The following RTN1 variants were observed in gnomAD, a reference collection of about 807,000 sequenced individuals.
RTN1 encodes reticulon-1.
RTN1 carries 25 observed loss-of-function variants against 65.5 expected under a neutral mutation model. The ratio of observed to expected loss-of-function variants is 0.38; its 90% CI spans 0.28 to 0.53. The LOEUF (loss-of-function observed/expected upper bound fraction) is 0.53. Among genes scored for constraint, RTN1 ranks in the 20% least tolerant of loss-of-function variants. The pLI is 0.79. For synonymous variants in RTN1, 471 were observed against 447.6 expected, an observed-to-expected ratio of 1.05 and a Z score of -0.66; for missense variants, 983 against 1,025.4, an observed-to-expected ratio of 0.96 and a Z score of 0.57.
rs11848764 is a variant in RTN1, at chr14:59,758,084, T to A, written c.242-11603A>T. On this transcript the variant is annotated intron_variant, in intron 1 of 8. Transcript: ENST00000267484. The stretch of plus-strand genomic sequence containing the variant: ...CCCCAGTAACCACCGATCCTTTTAC[T>A]GTCTACACAGTTTTGCCTAGTTCAA... Among the ~76,000 whole-genome samples the A allele has an allele frequency of 2.5e-3, 374 of 152,058 alleles. 2 individuals are homozygous for A. Among genetic ancestry groups the A allele is most frequent in the African/African-American group, 8.3e-3 (344 of 41,438 alleles).
intron 1 of RTN1, among the ~76,000 whole-genome samples, chr14:59,760,843 T>C (rs1267598383): frequency 1.3e-5 from 2 of 152,186 alleles, no homozygotes; most frequent in Non-Finnish European, 2.9e-5. Flanking sequence ...TCCAGACTCA[T>C]CGTGCTAGTT....
chr14:59,744,681 AG>A (rs1428269767), intron 2 of RTN1, among the ~76,000 whole-genome samples: 2 of 152,126 alleles, frequency 1.3e-5, no homozygotes, highest in African/African-American at 4.8e-5. Context: ...AGGGGAAGGG[AG>A]GAGTTTGCTT....
At chr14:59,807,389 A>G (rs980040572) in intron 1 of RTN1, among the ~76,000 whole-genome samples, 1 of 152,214 alleles carries the variant, frequency 6.6e-6, no homozygotes, top group African/African-American at 2.4e-5. Flanking sequence ...ACTGCAGAGG[A>G]AAGCTCTTTA....
At chr14:59,610,069 AG>A in intron 3 of RTN1, 1 of 766,320 alleles carries the variant, frequency 1.3e-6, no homozygotes, top group Non-Finnish European at 2.4e-6. Flanking sequence ...GACAAAGAGA[AG>A]ATAGAATTTG....
intron 3 of RTN1, among the ~76,000 whole-genome samples, chr14:59,649,240 C>T (rs1312509355): frequency 6.6e-6 from 1 of 152,120 alleles, no homozygotes; most frequent in African/African-American, 2.4e-5. Flanking sequence ...TTCCTTACAC[C>T]TTATACAAAA....
intron 3 of RTN1, among the ~76,000 whole-genome samples, chr14:59,688,683 C>T (rs1883897540): frequency 6.6e-6 from 1 of 152,146 alleles, no homozygotes; most frequent in East Asian, 1.9e-4. Flanking sequence ...AGCAGAAGTG[C>T]ATAGGGCTAT....
At chr14:59,606,735 T>G (rs1881767291) in intron 4 of RTN1, among the ~76,000 whole-genome samples, 1 of 152,204 alleles carries the variant, frequency 6.6e-6, no homozygotes, top group Non-Finnish European at 1.5e-5. Flanking sequence ...TTCCTCCTCT[T>G]CAATGTGCAT....
At chr14:59,726,671 C>G (rs1279125526) in intron 3 of RTN1, among the ~76,000 whole-genome samples, 2 of 152,206 alleles carry the variant, frequency 1.3e-5, no homozygotes, top group African/African-American at 4.8e-5. Flanking sequence ...CAAAACCGCT[C>G]ATTATTAGGG....
At position 59,868,388 on chromosome 14, in the gene RTN1, A is replaced by G. The variant is rs1186458558; in HGVS notation, c.241+2002T>C. Among the ~76,000 whole-genome samples the G allele has an allele frequency of 6.6e-6, 1 of 152,154 alleles. No homozygotes were observed. The highest frequency in any genetic ancestry group is 1.9e-4 in the East Asian group (1 of 5,198). ...TAGTATCATGTTTGATTTTATTACT[A>G]TATTTGTTGCCTAGGATAGAAAACC... On this transcript the variant is annotated intron_variant, in intron 1 of 8. Transcript: ENST00000267484. This position sits in a 1 kb window ranked among gnomAD's most constrained non-coding sequence, Gnocchi z 4.0.
intron 5 of RTN1, 29 bp downstream of exon 5, chr14:59,605,339 T>C: frequency 6.2e-7 from 1 of 1,604,322 alleles, no homozygotes; most frequent in Admixed American, 1.7e-5. Context: ...CAGTCAAGAC[T>C]GTGAAGTGAA....
intron 1 of RTN1, among the ~76,000 whole-genome samples, chr14:59,783,151 T>A (rs1046552677): frequency 6.6e-6 from 1 of 152,208 alleles, no homozygotes; most frequent in South Asian, 2.1e-4. Flanking sequence ...TCTAATCAAA[T>A]CTATATGTTG....
chr14:59,804,004 T>C (rs546896016), intron 1 of RTN1, among the ~76,000 whole-genome samples: 2 of 152,234 alleles, frequency 1.3e-5, no homozygotes, highest in African/African-American at 2.4e-5. Context: ...CATGGTCTAT[T>C]TGTTACAATT....
chr14:59,764,503 G>C (rs1471669549), intron 1 of RTN1, among the ~76,000 whole-genome samples: 1 of 151,978 alleles, frequency 6.6e-6, no homozygotes, highest in Non-Finnish European at 1.5e-5. Flanking sequence ...TGTATATTTA[G>C]TAGAGACGGG....
At chr14:59,796,387 C>T (rs537149147) in intron 1 of RTN1, among the ~76,000 whole-genome samples, 1 of 152,160 alleles carries the variant, frequency 6.6e-6, no homozygotes, top group African/African-American at 2.4e-5. Context: ...TGCATTTAGT[C>T]TTGTGTTATA....
intron 1 of RTN1, among the ~76,000 whole-genome samples, chr14:59,838,149 T>C (rs906297818): frequency 2.0e-5 from 3 of 152,220 alleles, no homozygotes; most frequent in African/African-American, 7.2e-5. Context: ...CCTGTCTTTA[T>C]GTCCATGTAT....
intron 1 of RTN1, among the ~76,000 whole-genome samples, chr14:59,755,287 C>T (rs1013573597): frequency 6.6e-6 from 1 of 152,046 alleles, no homozygotes; most frequent in South Asian, 2.1e-4. Flanking sequence ...AACAAAAATG[C>T]CAATTATTGT....
chr14:59,641,213 C>T (rs368461889), intron 3 of RTN1, among the ~76,000 whole-genome samples: 14 of 152,262 alleles, frequency 9.2e-5, no homozygotes, highest in African/African-American at 3.1e-4. Context: ...GGACATCCAC[C>T]CACCTTGGCC....
rs529284569 is a variant in RTN1, at chr14:59,757,022, T to A, written c.242-10541A>T. On this transcript the variant is annotated intron_variant, in intron 1 of 8. Transcript: ENST00000267484. ...ACAAAAAAATACTTTATTCTTATTA[T>A]TTTTTGAGCAGATTTAAGTTCACAG... Among the ~76,000 whole-genome samples the A allele has an allele frequency of 5.3e-5, 8 of 152,252 alleles. 1 individual carries two copies. The highest frequency in any genetic ancestry group is 2.1e-4 in the South Asian group (1 of 4,816).
At chr14:59,686,577 T>C (rs1883850529) in intron 3 of RTN1, among the ~76,000 whole-genome samples, 3 of 152,144 alleles carry the variant, frequency 2.0e-5, no homozygotes, top group Admixed American at 6.5e-5. Flanking sequence ...ATCCACTAGA[T>C]TTATGAAGGA....
Sources: allele counts gnomAD v4.1 joint callset (sites outside exome capture counted in the v4.1 genomes callset), GRCh38; gene constraint gnomAD v4.1.1; non-coding constraint Gnocchi (gnomAD v3.1); transcripts MANE v1.5; gene names NCBI Gene and HGNC (gene_info 2026-07-23, HGNC 2026-07-21).